COL18A1: variants seen among roughly 807,000 people sequenced by gnomAD.
The protein encoded by COL18A1 is collagen alpha-1(XVIII) chain.
Under a neutral mutation model 168.0 loss-of-function variants are expected in COL18A1, and 133 were observed. That is an observed-to-expected ratio of 0.79 (90% CI 0.69 to 0.91). The LOEUF is 0.91. COL18A1 is among the 40% of genes least tolerant of loss of function. The pLI, the probability that COL18A1 is intolerant of heterozygous loss-of-function variation, is 0.00. For synonymous variants in COL18A1, 949 were observed against 809.0 expected (o/e 1.17, Z -2.94); for missense variants, 2,126 against 1,925.4 (o/e 1.10, Z -1.95).
chr21:45,478,086 C>T, intron 8 of COL18A1, 121 bp downstream of exon 8: 1 of 738,374 alleles, frequency 1.4e-6, no homozygotes, highest in Non-Finnish European at 2.3e-6. Context: ...GGTCAGCAGC[C>T]TCCTTAGGCC....
intron 24 of COL18A1, 77 bp from the exon 25 acceptor site, chr21:45,493,086 T>G: frequency 7.1e-7 from 1 of 1,408,482 alleles, no homozygotes; most frequent in Admixed American, 2.0e-5. Flanking sequence ...GGGGCAGCTG[T>G]CGGGGGAGAT....
chr21:45,475,443 T>C, intron 4 of COL18A1, 33 bp from the exon 5 acceptor site: 1 of 1,566,436 alleles, frequency 6.4e-7, no homozygotes, highest in Non-Finnish European at 8.7e-7. Context: ...CTGGCTGCCA[T>C]CTCTCCAGCC....
chr21:45,459,097 G>A (rs1228827006), intron 2 of COL18A1, among the ~76,000 whole-genome samples: 1 of 152,226 alleles, frequency 6.6e-6, no homozygotes, highest in Non-Finnish European at 1.5e-5. Flanking sequence ...TTCCTGGCCT[G>A]CATTGCCTCT....
In COL18A1 at chr21:45,463,937, A is replaced by G. The variant is rs1300173544; in HGVS notation, c.107-4305A>G. On this transcript the variant is annotated intron_variant, in intron 2 of 41. Transcript: ENST00000651438. The surrounding 1 kb of genome is among the most constrained non-coding windows in gnomAD (Gnocchi z 4.0). ...AAGGAAAGAAATCAAGTCTTGAGGC[A>G]TCATCATTGTTATATCATGTGCAGG... is the stretch of plus-strand genomic sequence containing the variant. Among the ~76,000 whole-genome samples the G allele has an allele frequency of 6.6e-6, 1 of 152,122 alleles. No homozygotes were observed. Among genetic ancestry groups the G allele is most frequent in the African/African-American group, 2.4e-5 (1 of 41,448 alleles).
chr21:45,468,110 C>T, intron 2 of COL18A1, 132 bp from the exon 3 acceptor site: 3 of 954,294 alleles, frequency 3.1e-6, no homozygotes, highest in Middle Eastern at 3.2e-4. Context: ...GGGCAGGCTG[C>T]CAGGCACGTG....
rs1212310784 is a variant in COL18A1 at position 45,423,026 on chromosome 21, C to A, written c.106+17553C>A. On this transcript the variant is annotated intron_variant, in intron 2 of 41. Coordinates refer to ENST00000651438, the MANE Select transcript of COL18A1 (RefSeq NM_001379500.1). This position sits in a 1 kb window ranked among gnomAD's most constrained non-coding sequence, Gnocchi z 4.0. ...ACAAGGTTTCTCCATGTTGGTCAGG[C>A]TGGTCTCTAACTCCCGACCTCAGGT... Among the ~76,000 whole-genome samples, 1 of 152,126 alleles carries A rather than the reference C, an allele frequency of 6.6e-6. No homozygotes were observed. Among genetic ancestry groups the A allele is most frequent in the Non-Finnish European group, 1.5e-5 (1 of 68,020 alleles).
chr21:45,477,100 G>A (rs1032889234), intron 6 of COL18A1, among the ~76,000 whole-genome samples: 2 of 152,180 alleles, frequency 1.3e-5, no homozygotes, highest in African/African-American at 4.8e-5. Context: ...AAAGCATGCT[G>A]GGTGATAAGA....
intron 29 of COL18A1, chr21:45,495,732 C>A (rs1306299847): frequency 5.1e-5 from 21 of 407,818 alleles, no homozygotes; most frequent in South Asian, 2.5e-4. Flanking sequence ...ACACACACAT[C>A]CACACGTGCT....
Position 45,512,269 on chromosome 21 carries a change from G to C in COL18A1, c.3891G>C (p.Glu1297Asp). 6.2e-7 allele frequency: 1 copy of C among 1,611,838 alleles called. No individual in the cohort carries two copies. The highest frequency in any genetic ancestry group is 1.1e-5 in the South Asian group (1 of 90,978). ...GCTACTGTGAGACGTGGCGGACGGA[G>C]GCTCCCTCGGCCACGGGCCAGGCCT... ...TESYCETWRT[E>D]APSATGQASS... The change falls in exon 42 of 42, where the codon GAG becomes GAC. Residue 1297 changes from glutamate (E) to aspartate (D), a missense_variant. Coordinates refer to ENST00000651438, the MANE Select transcript of COL18A1 (RefSeq NM_001379500.1).
At chr21:45,510,469 C>T (rs1033170458) in intron 40 of COL18A1, among the ~76,000 whole-genome samples, 2 of 152,180 alleles carry the variant, frequency 1.3e-5, no homozygotes, top group Non-Finnish European at 2.9e-5. Context: ...GGCACTGCCA[C>T]GTCCCCCAGG....
At chr21:45,508,782 G>A (rs112563180) in intron 38 of COL18A1, among the ~76,000 whole-genome samples, 55 of 152,284 alleles carry the variant, frequency 3.6e-4, no homozygotes, top group African/African-American at 1.3e-3. Flanking sequence ...GGTGGCCATG[G>A]ATATTGCCCT....
At chr21:45,510,694 C>T (rs2037527692) in intron 40 of COL18A1, among the ~76,000 whole-genome samples, 1 of 152,216 alleles carries the variant, frequency 6.6e-6, no homozygotes, top group African/African-American at 2.4e-5. Flanking sequence ...GGCCCCTTTT[C>T]GTGCACTGGG....
At chr21:45,484,766 CAT>C in intron 15 of COL18A1, among the ~76,000 whole-genome samples, 1 of 152,328 alleles carries the variant, frequency 6.6e-6, no homozygotes, top group Admixed American at 6.5e-5. Flanking sequence ...TGTGTGTGCA[CAT>C]CTGTGTCTCT....
intron 20 of COL18A1, among the ~76,000 whole-genome samples, 160 bp from the exon 21 acceptor site, chr21:45,490,676 A>G (rs2036303704): frequency 6.8e-6 from 1 of 146,810 alleles, no homozygotes; most frequent in Admixed American, 6.7e-5. Context: ...CCAGGAGTTA[A>G]GTATAAGTCT....
intron 2 of COL18A1, among the ~76,000 whole-genome samples, chr21:45,415,211 G>A (rs930282952): frequency 4.6e-5 from 7 of 152,230 alleles, no homozygotes; most frequent in East Asian, 3.9e-4. Context: ...GGGCCACTCT[G>A]TGGGGCAGGA....
chr21:45,444,158 A>G (rs981322167), intron 2 of COL18A1, among the ~76,000 whole-genome samples: 1 of 152,080 alleles, frequency 6.6e-6, no homozygotes, highest in African/African-American at 2.4e-5. Flanking sequence ...CCCATGTGAC[A>G]CATTCGCTCC....
rs2035532729 is a variant in COL18A1 at position 45,473,777 on chromosome 21, C to A, written c.652-118C>A. On this transcript the variant is annotated intron_variant, in intron 3 of 41. Transcript: ENST00000651438. This position sits in a 1 kb window ranked among gnomAD's most constrained non-coding sequence, Gnocchi z 4.0. ...CCAGGGAGGCTGCCCGAGACCCCTT[C>A]CCTCTCCGAGACTCTCCTGCCCTTT... 6 of 843,534 alleles carry A rather than the reference C, an allele frequency of 7.1e-6. No homozygotes were observed. Among genetic ancestry groups the A allele is most frequent in the Non-Finnish European group, 1.2e-5 (6 of 513,216 alleles). The allele number at this position is 843,534 out of a possible 1,614,324, so 52.3% of individuals were successfully genotyped here. A position where few individuals can be genotyped will look rare whatever the true frequency, so the allele number is the denominator to read the frequency against.
chr21:45,487,320 G>A (rs1167170185), intron 16 of COL18A1, 127 bp from the exon 17 acceptor site: 9 of 1,119,758 alleles, frequency 8.0e-6, no homozygotes, highest in Admixed American at 5.8e-5. Flanking sequence ...ATCTGAGAAC[G>A]GCGGCTCCCC....
rs1055046269 is a variant in COL18A1, at chr21:45,457,097, C to T, written c.107-11145C>T. On this transcript the variant is annotated intron_variant, in intron 2 of 41. Transcript: ENST00000651438. The surrounding 1 kb of genome is among the most constrained non-coding windows in gnomAD (Gnocchi z 4.6). ...GGAAGAGGGCTGGATGAACCGCAGC[C>T]GATGTGTCCAGGTGCCACCTGGGCC... is the stretch of plus-strand genomic sequence containing the variant. Among the ~76,000 whole-genome samples, 8 of 152,074 alleles carry T rather than the reference C, an allele frequency of 5.3e-5. No individual in the cohort carries two copies. The highest frequency in any genetic ancestry group is 1.4e-4 in the African/African-American group (6 of 41,404).
Sources: gnomAD v4.1 joint callset for allele counts (sites outside exome capture counted in the v4.1 genomes callset) on GRCh38, gnomAD v4.1.1 for gene constraint, Gnocchi (gnomAD v3.1) non-coding constraint, MANE v1.5 for transcripts, NCBI Gene and HGNC (gene_info 2026-07-23, HGNC 2026-07-21) for gene names.